Variants in ABI3BP observed in about 807,000 individuals in gnomAD.
ABI3BP encodes the protein target of Nesh-SH3.
ABI3BP carries 216 observed loss-of-function variants against 268.6 expected under a neutral mutation model. That is an observed-to-expected ratio of 0.80 (90% CI 0.72 to 0.90). ABI3BP has a LOEUF of 0.90. Among genes scored for constraint, ABI3BP ranks in the 40% least tolerant of loss-of-function variants. The pLI is 0.00. For missense variants in ABI3BP, 2,090 were observed against 2,182.4 expected (o/e 0.96, Z 0.84); for synonymous variants, 730 against 730.0 (o/e 1.00, Z 0.00).
At chr3:100,957,262 A>G (rs1054294675) in intron 1 of ABI3BP, among the ~76,000 whole-genome samples, 2 of 152,208 alleles carry the variant, frequency 1.3e-5, no homozygotes, top group Non-Finnish European at 2.9e-5. Context: ...GAATCAAAAG[A>G]GAAATTTATG....
chr3:100,970,104 C>T (rs994404535), intron 1 of ABI3BP, among the ~76,000 whole-genome samples: 5 of 152,116 alleles, frequency 3.3e-5, no homozygotes, highest in Admixed American at 2.6e-4. Context: ...AGTCACAGGC[C>T]TAGATGGCCT....
At chr3:100,760,866 T>C (rs573839981) in intron 63 of ABI3BP, among the ~76,000 whole-genome samples, 1 of 152,262 alleles carries the variant, frequency 6.6e-6, no homozygotes, top group Non-Finnish European at 1.5e-5. Context: ...TCTTGGGTAA[T>C]TGTATGGCAG....
At chr3:100,969,676 A>C (rs1418274263) in intron 1 of ABI3BP, among the ~76,000 whole-genome samples, 3 of 152,204 alleles carry the variant, frequency 2.0e-5, no homozygotes, top group Non-Finnish European at 4.4e-5. Flanking sequence ...CTACGTCATC[A>C]AGAAAAAAAA....
chr3:100,991,334 G>A (rs1283580925), intron 1 of ABI3BP, among the ~76,000 whole-genome samples: 3 of 152,160 alleles, frequency 2.0e-5, no homozygotes, highest in Admixed American at 6.5e-5. Context: ...TTCCCCAAAT[G>A]TGTCCTGTGA....
In ABI3BP at chr3:100,840,059, A is replaced by G. The variant is rs1476728424; in HGVS notation, c.1897+13T>C. ...ACTTTCTATGTTAATTGGAACCTGAATATCACATTTACCGGGTTTGGACTT... is the reference window on the plus strand; with the variant it reads ...ACTTTCTATGTTAATTGGAACCTGAGTATCACATTTACCGGGTTTGGACTT... On this transcript the variant is annotated intron_variant, in intron 23 of 67. Transcript: ENST00000471714. 2.9e-6 allele frequency: 4 copies of G among 1,371,600 alleles called. No homozygotes were observed. Among genetic ancestry groups the G allele is most frequent in the Admixed American group, 2.2e-5 (1 of 44,896 alleles). 85.0% of individuals were successfully genotyped at this position (1,371,600 alleles called of 1,614,324 possible).
At position 100,966,056 on chromosome 3, in the gene ABI3BP, C is replaced by T. The variant is rs1009495363; in HGVS notation, c.79+27250G>A. ...AGCTTAGGTTTCCTCCTACTTTGAT[C>T]CTAGGAGACCTACATGAAAGCACGA... is the stretch of plus-strand genomic sequence containing the variant. On this transcript the variant is annotated intron_variant, in intron 1 of 67. Coordinates refer to ENST00000471714, the MANE Select transcript of ABI3BP (RefSeq NM_001375547.2). Among the ~76,000 whole-genome samples, 5 of 152,240 alleles carry T rather than the reference C, an allele frequency of 3.3e-5. No individual in the cohort carries two copies. The South Asian group carries it at 1.0e-3, about 32-fold the overall frequency.
intron 1 of ABI3BP, among the ~76,000 whole-genome samples, chr3:100,938,297 A>C (rs370948331): frequency 9.3e-4 from 124 of 133,492 alleles, no homozygotes; most frequent in Middle Eastern, 3.8e-3. Flanking sequence ...TGAACCTAAA[A>C]GTTAAAAAAA....
chr3:100,873,604 C>T (rs188620157), intron 9 of ABI3BP, among the ~76,000 whole-genome samples: 2 of 152,272 alleles, frequency 1.3e-5, no homozygotes, highest in East Asian at 3.9e-4. Flanking sequence ...GGACCCCAGC[C>T]TATTGTTATG....
chr3:100,813,817 A>T (rs1458817306), intron 44 of ABI3BP, 82 bp from the exon 45 acceptor site: 3 of 1,156,136 alleles, frequency 2.6e-6, no homozygotes, highest in Non-Finnish European at 3.7e-6. Context: ...CAGTGAAATA[A>T]AATACACAGA....
intron 61 of ABI3BP, among the ~76,000 whole-genome samples, chr3:100,772,805 G>A (rs2096587331): frequency 1.3e-5 from 2 of 152,100 alleles, no homozygotes; most frequent in African/African-American, 2.4e-5. Flanking sequence ...CAGGCTGGGC[G>A]TGGTGGCTCA....
In ABI3BP at chr3:100,844,053, A is replaced by G. The variant is rs78309741; in HGVS notation, c.1724-2014T>C. 2.7e-3 allele frequency: 2,674 copies of G among 981,350 alleles called. 26 individuals are homozygous for G. The highest frequency in any genetic ancestry group is 0.026 in the African/African-American group (1,493 of 57,194). 60.8% of individuals were successfully genotyped at this position (981,350 alleles called of 1,614,324 possible). On this transcript the variant is annotated intron_variant, in intron 20 of 67. Coordinates refer to ENST00000471714, the MANE Select transcript of ABI3BP (RefSeq NM_001375547.2). ...AGGTCTATGTTTAGTAAAAATAAAT[A>G]TATCTTCTGACACGCCTTCTATTTG...
chr3:100,978,004 G>A (rs2087143442), intron 1 of ABI3BP, among the ~76,000 whole-genome samples: 1 of 152,120 alleles, frequency 6.6e-6, no homozygotes, highest in Non-Finnish European at 1.5e-5. Flanking sequence ...TGTCTAGACA[G>A]CTCTTAAGTT....
chr3:100,875,921 G>T (rs1480785521), intron 7 of ABI3BP, among the ~76,000 whole-genome samples: 1 of 152,046 alleles, frequency 6.6e-6, no homozygotes, highest in Non-Finnish European at 1.5e-5. Flanking sequence ...TAAAAATTTA[G>T]AAAATTTATT....
chr3:100,753,987 T>A, intron 64 of ABI3BP, 139 bp from the exon 65 acceptor site: 1 of 905,124 alleles, frequency 1.1e-6, no homozygotes, highest in Non-Finnish European at 1.7e-6. Context: ...AGGATTGAAT[T>A]TGAAAGTTTG....
intron 53 of ABI3BP, among the ~76,000 whole-genome samples, chr3:100,795,470 A>G (rs73152409): frequency 0.14 from 21,029 of 152,042 alleles, 1,890 homozygotes; most frequent in South Asian, 0.27. Context: ...CAAACTTACC[A>G]CATACTAGTA....
At chr3:100,894,955 AAAAAAAAAAAAACAG>A (rs2046796318) in intron 4 of ABI3BP, among the ~76,000 whole-genome samples, 2 of 143,604 alleles carry the variant, frequency 1.4e-5, no homozygotes, top group Non-Finnish European at 3.1e-5. Context: ...AAAAAAAAAA[AAAAAAAAAAAAACAG>A]AAAAAAAAAA....
In ABI3BP at chr3:100,828,447, C is replaced by T. The variant is rs527415180; in HGVS notation, c.2548G>A (p.Ala850Thr). The change falls in exon 34 of 68, where the codon GCT becomes ACT. Residue 850 changes from alanine (A) to threonine (T), a missense_variant. Transcript: ENST00000471714. The stretch of plus-strand genomic sequence containing the variant: ...GGAGAAACTGGTTCAAAGATTGTAG[C>T]AGGAACTGGCCAAAAATAATAAAAA... Reference protein sequence around the residue: ...PEELQTELVPATIFEPVSPIK... With the variant: ...PEELQTELVPTTIFEPVSPIK... The T allele has an allele frequency of 1.6e-5, 25 of 1,534,536 alleles. No individual in the cohort carries two copies. The highest frequency in any genetic ancestry group is 2.0e-5 in the Non-Finnish European group (23 of 1,145,842).
At chr3:100,793,166 A>T (rs1310602803) in intron 54 of ABI3BP, among the ~76,000 whole-genome samples, 1 of 151,982 alleles carries the variant, frequency 6.6e-6, no homozygotes, top group Non-Finnish European at 1.5e-5. Flanking sequence ...GAAGTATATC[A>T]TATGAAAAGA....
chr3:100,839,722 C>A, intron 23 of ABI3BP, 106 bp from the exon 24 acceptor site: 3 of 1,234,320 alleles, frequency 2.4e-6, no homozygotes, highest in South Asian at 1.3e-5. Flanking sequence ...TGCATTTTTT[C>A]TGAATGTGAT....
Sources: gnomAD v4.1 joint callset for allele counts (sites outside exome capture counted in the v4.1 genomes callset) on GRCh38, gnomAD v4.1.1 for gene constraint, MANE v1.5 for transcripts, NCBI Gene and HGNC (gene_info 2026-07-23, HGNC 2026-07-21) for gene names.